Variants in GNAO1 observed in about 807,000 individuals in gnomAD.
The protein encoded by GNAO1 is guanine nucleotide-binding protein G(o) subunit alpha.
For missense variants in GNAO1, 166 were observed against 478.7 expected (o/e 0.35, Z 6.10); for synonymous variants, 164 against 180.7 (o/e 0.91, Z 0.74).
At chr16:56,328,970 C>G (rs2037663265) in intron 4 of GNAO1, 179 bp downstream of exon 4, 2 of 601,468 alleles carry the variant, frequency 3.3e-6, no homozygotes, top group Non-Finnish European at 5.8e-6. Flanking sequence ...TCTTCCTGCA[C>G]CCCAGGAGGA....
rs1178213407 is a variant in GNAO1, at chr16:56,354,190, G to A, written c.878-676G>A. Among the ~76,000 whole-genome samples the A allele has an allele frequency of 3.3e-5, 5 of 152,218 alleles. No homozygotes were observed. Among genetic ancestry groups the A allele is most frequent in the African/African-American group, 9.6e-5 (4 of 41,460 alleles). ...ATCAGCAGGATTGGTTTAGACCATG[G>A]GGCGGTGCCTCAATTTGCTCATCTA... On this transcript the variant is annotated intron_variant, in intron 7 of 8. Transcript: ENST00000262493. This position sits in a 1 kb window ranked among gnomAD's most constrained non-coding sequence, Gnocchi z 4.3.
chr16:56,278,119 TC>T (rs1216605211), intron 3 of GNAO1, among the ~76,000 whole-genome samples: 1 of 152,178 alleles, frequency 6.6e-6, no homozygotes, highest in Admixed American at 6.5e-5. Flanking sequence ...CTATTTCTCC[TC>T]CATGGAATTT....
intron 2 of GNAO1, among the ~76,000 whole-genome samples, chr16:56,219,020 T>A (rs2036460777): frequency 6.6e-6 from 1 of 152,152 alleles, no homozygotes; most frequent in African/African-American, 2.4e-5. Flanking sequence ...GTTGGAGCTG[T>A]TCTTGCCCTC....
chr16:56,197,673 A>G (rs1318855933), intron 2 of GNAO1, among the ~76,000 whole-genome samples: 4 of 152,232 alleles, frequency 2.6e-5, no homozygotes, highest in Non-Finnish European at 2.9e-5. Flanking sequence ...CGTCTGTTCT[A>G]TGTGTGAACA....
intron 2 of GNAO1, among the ~76,000 whole-genome samples, chr16:56,223,992 T>C (rs1175274166): frequency 6.6e-6 from 1 of 152,190 alleles, no homozygotes; most frequent in African/African-American, 2.4e-5. Flanking sequence ...GAAGGGACTC[T>C]CAGAAGAGGT....
chr16:56,195,406 T>A (rs2036223862), intron 2 of GNAO1, among the ~76,000 whole-genome samples: 1 of 152,232 alleles, frequency 6.6e-6, no homozygotes. Flanking sequence ...GTGGGATTGG[T>A]GTCACTGTAT....
chr16:56,237,510 CAGA>C (rs2036649947), intron 2 of GNAO1, among the ~76,000 whole-genome samples: 1 of 152,090 alleles, frequency 6.6e-6, no homozygotes. Flanking sequence ...CTGCTGCAAC[CAGA>C]AGAACACAGC....
intron 6 of GNAO1, among the ~76,000 whole-genome samples, chr16:56,342,249 G>A (rs76424073): frequency 4.6e-5 from 7 of 152,328 alleles, no homozygotes; most frequent in Non-Finnish European, 1.0e-4. Context: ...GACAAGGGAG[G>A]CTGAGTAGTC....
intron 2 of GNAO1, among the ~76,000 whole-genome samples, chr16:56,209,889 G>A (rs550334046): frequency 6.6e-6 from 1 of 151,908 alleles, no homozygotes; most frequent in South Asian, 2.1e-4. Context: ...ACCTATACTG[G>A]CGCATTATAA....
At chr16:56,252,939 G>A (rs970732464) in intron 2 of GNAO1, among the ~76,000 whole-genome samples, 1 of 152,200 alleles carries the variant, frequency 6.6e-6, no homozygotes, top group African/African-American at 2.4e-5. Flanking sequence ...AGGAGGTGCC[G>A]TCCATGCTGG....
intron 2 of GNAO1, among the ~76,000 whole-genome samples, chr16:56,241,551 A>G (rs568583609): frequency 1.3e-5 from 2 of 152,356 alleles, no homozygotes; most frequent in South Asian, 2.1e-4. Flanking sequence ...GTTATCTCCT[A>G]TTTAAAGCAG....
chr16:56,275,768 G>A (rs1449465657), intron 2 of GNAO1, among the ~76,000 whole-genome samples, 163 bp from the exon 3 acceptor site: 1 of 152,118 alleles, frequency 6.6e-6, no homozygotes, highest in Non-Finnish European at 1.5e-5. Context: ...AGTAATTTAG[G>A]TAGCTTTTTC....
At chr16:56,229,942 G>A (rs1215485053) in intron 2 of GNAO1, among the ~76,000 whole-genome samples, 1 of 152,138 alleles carries the variant, frequency 6.6e-6, no homozygotes, top group Non-Finnish European at 1.5e-5. Flanking sequence ...GAGAGTCGAA[G>A]GGCATCGCCT....
At chr16:56,227,463 C>G (rs2036542092) in intron 2 of GNAO1, among the ~76,000 whole-genome samples, 2 of 152,124 alleles carry the variant, frequency 1.3e-5, no homozygotes, top group Non-Finnish European at 1.5e-5. Context: ...TTGATTTGCA[C>G]TCTCTGCTGC....
intron 2 of GNAO1, among the ~76,000 whole-genome samples, chr16:56,211,458 C>T (rs1311608139): frequency 1.3e-5 from 2 of 152,178 alleles, no homozygotes; most frequent in African/African-American, 4.8e-5. Flanking sequence ...CCTCCCAGCC[C>T]AGCTCTGGGG....
intron 2 of GNAO1, 183 bp downstream of exon 2, chr16:56,192,799 C>T (rs1049254963): frequency 5.0e-6 from 3 of 595,354 alleles, no homozygotes; most frequent in Non-Finnish European, 9.1e-6. Context: ...GTTCTGGGTC[C>T]TCCACCCTAA....
intron 3 of GNAO1, among the ~76,000 whole-genome samples, chr16:56,315,229 G>A (rs552821852): frequency 8.5e-4 from 130 of 152,282 alleles, no homozygotes; most frequent in African/African-American, 2.9e-3. Context: ...CAGCCGAGGC[G>A]GCTGTAATTA....
At position 56,198,637 on chromosome 16, in the gene GNAO1, A is replaced by G. The variant is rs553685623; in HGVS notation, c.161+6021A>G. The stretch of plus-strand genomic sequence containing the variant: ...GGGACTGATAATGAAAATAACTACT[A>G]ATAGGATTGTGGAGAGCATGAAATG... On this transcript the variant is annotated intron_variant, in intron 2 of 8. Transcript: ENST00000262493. 5.3e-5 allele frequency among the ~76,000 whole-genome samples: 8 copies of G among 152,262 alleles called. No individual in the cohort carries two copies. The South Asian group carries it at 1.5e-3, about 28-fold the overall frequency.
At chr16:56,236,027 G>A (rs1371978674) in intron 2 of GNAO1, among the ~76,000 whole-genome samples, 1 of 152,148 alleles carries the variant, frequency 6.6e-6, no homozygotes, top group African/African-American at 2.4e-5. Context: ...ATTTTGACTT[G>A]GAGAAGCTGG....
Sources: allele counts gnomAD v4.1 joint callset (sites outside exome capture counted in the v4.1 genomes callset), GRCh38; gene constraint gnomAD v4.1.1; non-coding constraint Gnocchi (gnomAD v3.1); transcripts MANE v1.5; gene names NCBI Gene and HGNC (gene_info 2026-07-23, HGNC 2026-07-21).